Variants in MEGF9 observed in about 807,000 individuals in gnomAD.
MEGF9 encodes multiple epidermal growth factor-like domains protein 9.
Under a neutral mutation model 46.8 loss-of-function variants are expected in MEGF9, and 6 were observed. That is an observed-to-expected ratio of 0.13 (90% CI 0.07 to 0.25). The LOEUF is 0.25. Among genes scored for constraint, MEGF9 ranks in the 10% least tolerant of loss-of-function variants. The pLI, the probability that MEGF9 is intolerant of heterozygous loss-of-function variation, is 1.00. For missense variants in MEGF9, 683 were observed against 792.4 expected (o/e 0.86, Z 1.66); for synonymous variants, 302 against 330.7 (o/e 0.91, Z 0.94).
intron 2 of MEGF9, among the ~76,000 whole-genome samples, chr9:120,625,597 A>G (rs951753132): frequency 6.6e-6 from 1 of 151,928 alleles, no homozygotes; most frequent in Non-Finnish European, 1.5e-5. Flanking sequence ...GCACTTTCGG[A>G]GGCTGAGGCG....
intron 1 of MEGF9, among the ~76,000 whole-genome samples, chr9:120,710,431 A>AAG (rs1472800492): frequency 6.6e-6 from 1 of 150,996 alleles, no homozygotes; most frequent in Non-Finnish European, 1.5e-5. Flanking sequence ...TCTTAAAAAA[A>AAG]AAAAAAAAAA....
intron 3 of MEGF9, among the ~76,000 whole-genome samples, chr9:120,621,024 G>C (rs1239563061): frequency 6.6e-6 from 1 of 151,492 alleles, no homozygotes; most frequent in Non-Finnish European, 1.5e-5. Flanking sequence ...GATTTTTTTT[G>C]CTTGTTTGTT....
At chr9:120,705,724 C>A (rs1302456300) in intron 1 of MEGF9, among the ~76,000 whole-genome samples, 1 of 151,666 alleles carries the variant, frequency 6.6e-6, no homozygotes, top group Non-Finnish European at 1.5e-5. Context: ...ACCTAGGTAT[C>A]CAGACATAAT....
intron 1 of MEGF9, among the ~76,000 whole-genome samples, chr9:120,694,414 C>T (rs184032700): frequency 6.6e-6 from 1 of 152,260 alleles, no homozygotes; most frequent in East Asian, 1.9e-4. Context: ...GTAAAAAGTC[C>T]GAAGGACTAA....
intron 2 of MEGF9, among the ~76,000 whole-genome samples, chr9:120,628,445 T>C (rs1248720125): frequency 6.8e-6 from 1 of 147,544 alleles, no homozygotes; most frequent in East Asian, 2.1e-4. Flanking sequence ...GAAATCCATA[T>C]TCAGACAGAA....
At chr9:120,679,054 G>C (rs2043786316) in intron 1 of MEGF9, among the ~76,000 whole-genome samples, 1 of 152,204 alleles carries the variant, frequency 6.6e-6, no homozygotes, top group Non-Finnish European at 1.5e-5. Context: ...AACGATTTTA[G>C]AAGACAGTGT....
intron 1 of MEGF9, among the ~76,000 whole-genome samples, chr9:120,678,211 G>A (rs958121117): frequency 3.3e-5 from 5 of 152,198 alleles, no homozygotes; most frequent in African/African-American, 9.7e-5. Context: ...TACTTGGGTT[G>A]CTTCCAAATC....
chr9:120,675,637 C>T (rs778928602), intron 1 of MEGF9, among the ~76,000 whole-genome samples: 45 of 115,576 alleles, frequency 3.9e-4, no homozygotes, highest in Non-Finnish European at 7.4e-4. Flanking sequence ...GCCTGTAATC[C>T]CAGCACTTTG....
chr9:120,674,885 T>G lies in MEGF9; in HGVS notation c.602-15310A>C, dbSNP rs1307689319. Among the ~76,000 whole-genome samples the G allele has an allele frequency of 2.0e-5, 3 of 150,616 alleles. No homozygotes were observed. The East Asian group carries it at 5.8e-4, about 29-fold the overall frequency. On this transcript the variant is annotated intron_variant, in intron 1 of 5. Coordinates refer to ENST00000373930, the MANE Select transcript of MEGF9 (RefSeq NM_001080497.3). ...ACATCAGGCCAGCAGTTTCTATTTT[T>G]TTTTTTTTTTCGAGACGGAGTCTTG... is the stretch of plus-strand genomic sequence containing the variant.
Position 120,605,514 on chromosome 9 carries a change from T to C in MEGF9, c.1485A>G (p.Val495=). ...CTGAAGTGCTGTTTTCAGAAGTGCTTACTGAAAAGATAGTCTGCAGGGTTG... is the reference window on the plus strand; with the variant it reads ...CTGAAGTGCTGTTTTCAGAAGTGCTCACTGAAAAGATAGTCTGCAGGGTTG... ...TPTTLQTIFS[V]STSENSTSAL... is the part of the protein sequence containing the mutation. Residue 495 remains valine, a synonymous_variant, in exon 6 of 6, where the codon GTA becomes GTG. Coordinates refer to ENST00000373930, the MANE Select transcript of MEGF9 (RefSeq NM_001080497.3). This position sits in a 1 kb window ranked among gnomAD's most constrained non-coding sequence, Gnocchi z 4.0. 1 of 1,613,986 alleles carries C rather than the reference T, an allele frequency of 6.2e-7. No individual in the cohort carries two copies. The highest frequency in any genetic ancestry group is 8.5e-7 in the Non-Finnish European group (1 of 1,179,860).
In MEGF9 at chr9:120,659,412, G is replaced by A. The variant is rs1463191269; in HGVS notation, c.765C>T (p.Asp255=). 6.2e-7 allele frequency: 1 copy of A among 1,613,726 alleles called. No homozygotes were observed. Among genetic ancestry groups the A allele is most frequent in the Non-Finnish European group, 8.5e-7 (1 of 1,179,852 alleles). The change falls in exon 2 of 6, where the codon GAC becomes GAT. Residue 255 remains aspartate, a synonymous_variant. Coordinates refer to ENST00000373930, the MANE Select transcript of MEGF9 (RefSeq NM_001080497.3). ...NYTSGLCQPC[D]CSPHGALSIP... is the part of the protein sequence containing the mutation. Reference sequence around the variant, plus strand: ...TGCTGAGAGCTCCATGTGGACTACAGTCACATGGCTGACAGAGCCCAGAAG... The same window carrying A: ...TGCTGAGAGCTCCATGTGGACTACAATCACATGGCTGACAGAGCCCAGAAG...
intron 1 of MEGF9, among the ~76,000 whole-genome samples, chr9:120,681,419 G>A (rs1021537792): frequency 3.9e-5 from 6 of 152,156 alleles, no homozygotes; most frequent in Non-Finnish European, 5.9e-5. Context: ...GACAAAGTCC[G>A]CTTTACTCTT....
Position 120,714,028 on chromosome 9 carries a change from G to A in MEGF9, c.331C>T (p.Pro111Ser). ...ETTPLWATAG[P>S]SSTTFQAPLG... Reference sequence around the variant, plus strand: ...GGCGCCTGAAAGGTGGTGGAAGAGGGTCCAGCAGTCGCCCAAAGAGGGGTG... The same window carrying A: ...GGCGCCTGAAAGGTGGTGGAAGAGGATCCAGCAGTCGCCCAAAGAGGGGTG... The change falls in exon 1 of 6, where the codon CCC becomes TCC. Residue 111 changes from proline to serine, a missense_variant. Physicochemically the swap from Pro to Ser is moderately conservative, Grantham distance 74. Coordinates refer to ENST00000373930, the MANE Select transcript of MEGF9 (RefSeq NM_001080497.3). 1 of 1,343,118 alleles carries A rather than the reference G, an allele frequency of 7.4e-7. No homozygotes were observed. Among genetic ancestry groups the A allele is most frequent in the Admixed American group, 3.1e-5 (1 of 32,364 alleles). The allele number at this position is 1,343,118 out of a possible 1,614,324, so 83.2% of individuals were successfully genotyped here.
chr9:120,615,739 AC>A (rs1332639053), intron 3 of MEGF9, among the ~76,000 whole-genome samples: 1 of 151,984 alleles, frequency 6.6e-6, no homozygotes, highest in Non-Finnish European at 1.5e-5. Context: ...TACAAAAAAT[AC>A]AAAAATTAGC....
intron 2 of MEGF9, among the ~76,000 whole-genome samples, chr9:120,644,835 G>A (rs1016988409): frequency 6.6e-5 from 10 of 152,122 alleles, no homozygotes; most frequent in African/African-American, 2.2e-4. Context: ...TTTTGTCTCA[G>A]AAGGAAGTCA....
chr9:120,640,252 G>T (rs888639289), intron 2 of MEGF9, among the ~76,000 whole-genome samples: 3 of 152,108 alleles, frequency 2.0e-5, no homozygotes, highest in African/African-American at 7.2e-5. Flanking sequence ...GCATCTTCCT[G>T]CATCAGGGAC....
chr9:120,663,028 T>C (rs2043709602), intron 1 of MEGF9, among the ~76,000 whole-genome samples: 1 of 152,204 alleles, frequency 6.6e-6, no homozygotes, highest in Admixed American at 6.6e-5. Context: ...CATTTATTAA[T>C]TATATATCCT....
chr9:120,611,726 G>C (rs1391788309), intron 4 of MEGF9, among the ~76,000 whole-genome samples: 2 of 151,674 alleles, frequency 1.3e-5, no homozygotes, highest in South Asian at 4.2e-4. Flanking sequence ...ACTGAATTTT[G>C]CATCTTAAAT....
intron 2 of MEGF9, among the ~76,000 whole-genome samples, chr9:120,651,654 AT>A (rs201065785): frequency 0.062 from 8,769 of 141,934 alleles, 298 homozygotes; most frequent in Non-Finnish European, 0.089. Flanking sequence ...GTATAATAGG[AT>A]TTTTTTTTTT....
Sources: gnomAD v4.1 joint callset for allele counts (sites outside exome capture counted in the v4.1 genomes callset) on GRCh38, gnomAD v4.1.1 for gene constraint, Gnocchi (gnomAD v3.1) non-coding constraint, MANE v1.5 for transcripts, NCBI Gene and HGNC (gene_info 2026-07-23, HGNC 2026-07-21) for gene names.